TENM2: variants seen among roughly 807,000 people sequenced by gnomAD.
TENM2 encodes teneurin transmembrane protein 2.
Under a neutral mutation model 245.2 loss-of-function variants are expected in TENM2, and 52 were observed. The ratio of observed to expected loss-of-function variants is 0.21; its 90% CI spans 0.17 to 0.27. The LOEUF is 0.27. Among genes scored for constraint, TENM2 ranks in the 10% least tolerant of loss-of-function variants. The pLI, the probability that TENM2 is intolerant of heterozygous loss-of-function variation, is 1.00. For missense variants in TENM2, 3,046 were observed against 3,666.8 expected (o/e 0.83, Z 4.37); for synonymous variants, 1,363 against 1,438.9 (o/e 0.95, Z 1.19).
At chr5:167,942,025 CG>C (rs1422712465) in intron 3 of TENM2, among the ~76,000 whole-genome samples, 1 of 151,972 alleles carries the variant, frequency 6.6e-6, no homozygotes, top group African/African-American at 2.4e-5. Flanking sequence ...CTGGCCAACA[CG>C]GGGAAACCCC....
chr5:168,248,362 T>C, exon 27 of TENM2: 1 of 1,612,046 alleles, frequency 6.2e-7, no homozygotes, highest in Non-Finnish European at 8.5e-7. Flanking sequence ...TTTGAAGAAC[T>C]ACGTGACAGG....
chr5:168,030,428 C>T (rs1011751841), intron 5 of TENM2, among the ~76,000 whole-genome samples: 1 of 152,074 alleles, frequency 6.6e-6, no homozygotes, highest in Non-Finnish European at 1.5e-5. Flanking sequence ...CAAACTTGAG[C>T]ATTCATCCGA....
At chr5:167,263,522 T>A in the TENM2 span, among the ~76,000 whole-genome samples, 3 of 152,200 alleles carry the variant, frequency 2.0e-5, no homozygotes, top group Non-Finnish European at 2.9e-5. Flanking sequence ...TTATTCTTTA[T>A]ATCTCCTACT....
At chr5:167,862,017 T>C (rs1464450906) in intron 2 of TENM2, among the ~76,000 whole-genome samples, 1 of 152,222 alleles carries the variant, frequency 6.6e-6, no homozygotes, top group Non-Finnish European at 1.5e-5. Flanking sequence ...TCTAATTGTT[T>C]CCTGACACAT....
chr5:167,811,970 A>G (rs1766675076), intron 2 of TENM2, among the ~76,000 whole-genome samples: 1 of 152,188 alleles, frequency 6.6e-6, no homozygotes. Context: ...TAGAGCACAT[A>G]CACAAGGACG....
intron 6 of TENM2, among the ~76,000 whole-genome samples, chr5:168,056,688 CCACT>C (rs1180814329): frequency 6.6e-6 from 1 of 152,194 alleles, no homozygotes; most frequent in Admixed American, 6.5e-5. Flanking sequence ...CTTTCACTCA[CCACT>C]CACTCACTGA....
At chr5:167,738,386 G>A (rs1182826152) in intron 2 of TENM2, among the ~76,000 whole-genome samples, 1 of 152,142 alleles carries the variant, frequency 6.6e-6, no homozygotes, top group Non-Finnish European at 1.5e-5. Context: ...CTTGAGCTAG[G>A]CAATTTGCTT....
intron 10 of TENM2, among the ~76,000 whole-genome samples, chr5:168,121,390 C>T (rs1272097903): frequency 6.6e-6 from 1 of 152,154 alleles, no homozygotes; most frequent in African/African-American, 2.4e-5. Flanking sequence ...GAAATCGGAA[C>T]CAAATTTAAA....
At chr5:168,027,035 T>G (rs1483692604) in intron 5 of TENM2, among the ~76,000 whole-genome samples, 1 of 152,178 alleles carries the variant, frequency 6.6e-6, no homozygotes, top group African/African-American at 2.4e-5. Flanking sequence ...CTAAAACTAC[T>G]TATTAAAATG....
At chr5:167,496,808 AT>A (rs1277657502) in intron 2 of TENM2, among the ~76,000 whole-genome samples, 2 of 151,874 alleles carry the variant, frequency 1.3e-5, no homozygotes, top group African/African-American at 4.8e-5. Context: ...TGTAGATTTG[AT>A]TTTTTTTCCC....
At chr5:168,230,249 G>A (rs1007746969) in intron 25 of TENM2, among the ~76,000 whole-genome samples, 5 of 152,116 alleles carry the variant, frequency 3.3e-5, no homozygotes, top group East Asian at 1.9e-4. Flanking sequence ...GTTAGTTCCT[G>A]TAACAACAAT....
chr5:167,895,469 C>T (rs987699403), intron 3 of TENM2, among the ~76,000 whole-genome samples: 1 of 152,200 alleles, frequency 6.6e-6, no homozygotes, highest in African/African-American at 2.4e-5. Flanking sequence ...TGCATGTAAC[C>T]ATCAAATCAA....
intron 5 of TENM2, among the ~76,000 whole-genome samples, chr5:168,011,214 T>G (rs1024644926): frequency 2.6e-5 from 4 of 152,230 alleles, no homozygotes; most frequent in African/African-American, 9.6e-5. Flanking sequence ...TATGCAGGAT[T>G]ACAATGCTGT....
At chr5:167,164,066 T>A in the TENM2 span, among the ~76,000 whole-genome samples, 2 of 152,208 alleles carry the variant, frequency 1.3e-5, no homozygotes, top group Non-Finnish European at 2.9e-5. Context: ...ACCCTTTTTT[T>A]TTCCAAATCA....
chr5:167,332,010 C>T (rs535493195), intron 1 of TENM2, among the ~76,000 whole-genome samples: 6 of 152,250 alleles, frequency 3.9e-5, no homozygotes, highest in East Asian at 1.9e-4. Flanking sequence ...TATCGACCAA[C>T]GTATTCCAAT....
chr5:167,320,973 T>C (rs1290711887), intron 1 of TENM2, among the ~76,000 whole-genome samples: 1 of 151,990 alleles, frequency 6.6e-6, no homozygotes, highest in East Asian at 1.9e-4. Flanking sequence ...ATCTAGAACA[T>C]ACCTGCAATG....
chr5:167,342,471 G>C (rs1012231222), intron 1 of TENM2, among the ~76,000 whole-genome samples: 3 of 148,758 alleles, frequency 2.0e-5, no homozygotes, highest in Non-Finnish European at 3.0e-5. Context: ...ATCTGACTGC[G>C]GTCGGGTTTT....
In TENM2 at chr5:168,015,448, A is replaced by G. The variant is rs147274010; in HGVS notation, c.1186+22266A>G. 1.6e-4 allele frequency among the ~76,000 whole-genome samples: 25 copies of G among 152,328 alleles called. No homozygotes were observed. The East Asian group carries it at 4.4e-3, about 27-fold the overall frequency. ...AACAATATGCTCTTTCCACAGTGAC[A>G]TTCGGCACTGCAGCAGAGAACGAGA... On this transcript the variant is annotated intron_variant, in intron 5 of 28. Transcript: ENST00000518659.
chr5:167,572,804 A>G (rs1419414186), intron 2 of TENM2, among the ~76,000 whole-genome samples: 1 of 152,212 alleles, frequency 6.6e-6, no homozygotes, highest in African/African-American at 2.4e-5. Context: ...GGAAGGGAGA[A>G]GGATGCAGTA....
Sources: allele counts gnomAD v4.1 joint callset (sites outside exome capture counted in the v4.1 genomes callset), GRCh38; gene constraint gnomAD v4.1.1; transcripts MANE v1.5; gene names NCBI Gene and HGNC (gene_info 2026-07-23, HGNC 2026-07-21).